The following CYFIP1 variants were observed in gnomAD, a reference collection of about 807,000 sequenced individuals.
The protein encoded by CYFIP1 is cytoplasmic FMR1 interacting protein 1.
Under a neutral mutation model 163.5 loss-of-function variants are expected in CYFIP1, and 58 were observed. That is an observed-to-expected ratio of 0.35 (90% confidence interval 0.29 to 0.44). The LOEUF (loss-of-function observed/expected upper bound fraction) is 0.44, where lower values mean the gene tolerates loss of function less well. Among genes scored for constraint, CYFIP1 ranks in the 20% least tolerant of loss-of-function variants. CYFIP1 has a pLI of 1.00. For synonymous variants in CYFIP1, 663 were observed against 660.7 expected, an observed-to-expected ratio of 1.00 and a Z score of -0.05; for missense variants, 1,338 against 1,653.8, an observed-to-expected ratio of 0.81 and a Z score of 3.31.
At chr15:22,890,437 G>GT (rs1295513749) in intron 23 of CYFIP1, among the ~76,000 whole-genome samples, 2 of 152,132 alleles carry the variant, frequency 1.3e-5, no homozygotes, top group Non-Finnish European at 2.9e-5. Flanking sequence ...GGGGAGCCCC[G>GT]TAACAGCTGT....
In CYFIP1 at chr15:22,932,334, C is replaced by T. The variant is rs141003560; in HGVS notation, c.999G>A (p.Thr333=). 73 of 1,603,622 alleles carry T rather than the reference C, an allele frequency of 4.6e-5. No individual in the cohort carries two copies. Among genetic ancestry groups the T allele is most frequent in the South Asian group, 9.0e-5 (8 of 89,352 alleles). Reference sequence around the variant, plus strand: ...GAGGGCTGCTGCCGGAGGATGTGCACGTCCATCTGTGCAGAGAGAAAGCAC... The same window carrying T: ...GAGGGCTGCTGCCGGAGGATGTGCATGTCCATCTGTGCAGAGAGAAAGCAC... ...AHYEENKSRW[T]CTSSGSSPQY... The change falls in exon 11 of 31, where the codon ACG becomes ACA. Residue 333 remains threonine (T), a synonymous_variant. Transcript: ENST00000617928.
chr15:22,910,031 T>G (rs1231353867), intron 20 of CYFIP1, among the ~76,000 whole-genome samples: 1 of 152,200 alleles, frequency 6.6e-6, no homozygotes, highest in Non-Finnish European at 1.5e-5. Flanking sequence ...CTGCAGGTGT[T>G]CCCTGTGTGT....
At chr15:22,935,737 C>T (rs2061691690) in intron 9 of CYFIP1, among the ~76,000 whole-genome samples, 1 of 152,092 alleles carries the variant, frequency 6.6e-6, no homozygotes, top group Admixed American at 6.6e-5. Flanking sequence ...AATAACAATG[C>T]ATTGAATGCT....
rs1436182518 is a variant in CYFIP1 at position 22,953,919 on chromosome 15, G to C, written c.-6-6628C>G. The stretch of plus-strand genomic sequence containing the variant: ...AAATACAAAAAAATTAGCCAGGCGT[G>C]GTGGCGGGCGCCTGTAGTCCCAGCT... On this transcript the variant is annotated intron_variant, in intron 1 of 30. Transcript: ENST00000617928. Among the ~76,000 whole-genome samples the C allele has an allele frequency of 3.9e-5, 6 of 152,148 alleles. No individual in the cohort carries two copies. The East Asian group carries it at 5.8e-4, about 15-fold the overall frequency.
intron 1 of CYFIP1, chr15:22,948,128 TGGAACGGG>T (rs2062122293): frequency 5.8e-5 from 17 of 294,434 alleles, no homozygotes; most frequent in African/African-American, 3.4e-4. Context: ...AGGTGCACAG[TGGAACGGG>T]TAGTCAGTCC....
chr15:22,976,227 G>A (rs558309919), intron 1 of CYFIP1, among the ~76,000 whole-genome samples: 95 of 151,648 alleles, frequency 6.3e-4, no homozygotes, highest in Middle Eastern at 3.4e-3. Flanking sequence ...GCGCGATCTC[G>A]GCTCACCACA....
At chr15:22,957,472 T>TA in intron 1 of CYFIP1, among the ~76,000 whole-genome samples, 1 of 152,226 alleles carries the variant, frequency 6.6e-6, no homozygotes, top group South Asian at 2.1e-4. Context: ...CCACCTCTAC[T>TA]AAAAATACAA....
intron 1 of CYFIP1, among the ~76,000 whole-genome samples, chr15:22,955,847 G>T (rs1416339818): frequency 6.6e-6 from 1 of 151,752 alleles, no homozygotes; most frequent in Non-Finnish European, 1.5e-5. Flanking sequence ...CAGGAGATGG[G>T]AGGGTGATTT....
At chr15:22,977,479 T>C (rs1245017852) in intron 1 of CYFIP1, among the ~76,000 whole-genome samples, 1 of 152,218 alleles carries the variant, frequency 6.6e-6, no homozygotes, top group Non-Finnish European at 1.5e-5. Context: ...GTTGGCTAAA[T>C]TTTAATAGGA....
At chr15:22,881,675 C>T (rs1006712646) in intron 25 of CYFIP1, among the ~76,000 whole-genome samples, 171 bp downstream of exon 25, 20 of 152,158 alleles carry the variant, frequency 1.3e-4, no homozygotes, top group Non-Finnish European at 1.6e-4. Context: ...CCTCTGCTTC[C>T]TCGCCTGCAG....
intron 1 of CYFIP1, among the ~76,000 whole-genome samples, chr15:22,948,784 ACT>A (rs1310557896): frequency 6.8e-6 from 1 of 147,466 alleles, no homozygotes; most frequent in Admixed American, 7.0e-5. Flanking sequence ...AAATTTCAAA[ACT>A]AAAAGACACA....
chr15:22,867,705 T>TAAAA lies in CYFIP1; in HGVS notation c.*2319_*2322dup, dbSNP rs998848199. The TAAAA allele has an allele frequency of 1.2e-4, 19 of 152,344 alleles. No homozygotes were observed. Among genetic ancestry groups the TAAAA allele is most frequent in the Admixed American group, 1.1e-3 (17 of 15,286 alleles). The allele number at this position is 152,344 out of a possible 1,614,324, so 9.4% of individuals were successfully genotyped here. Reference sequence around the variant, plus strand: ...TTCTTAAATTTAGCTCATGTTATAATAAAAAGTTGAAATGAAGTTCTTATT... The same window carrying TAAAA: ...TTCTTAAATTTAGCTCATGTTATAATAAAAAAAAAGTTGAAATGAAGTTCTTATT... On this transcript the variant is annotated 3_prime_UTR_variant, in exon 31 of 31. Coordinates refer to ENST00000617928, the MANE Select transcript of CYFIP1 (RefSeq NM_014608.6).
intron 11 of CYFIP1, among the ~76,000 whole-genome samples, chr15:22,931,686 G>GAAAAAAAAAAA (rs766177290): frequency 0.023 from 896 of 39,682 alleles, 130 homozygotes; most frequent in Middle Eastern, 0.033. Context: ...ATGTTTTTCT[G>GAAAAAAAAAAA]AAAAAAAAAA....
intron 23 of CYFIP1, among the ~76,000 whole-genome samples, chr15:22,885,471 G>T (rs914250709): frequency 1.3e-5 from 2 of 152,146 alleles, no homozygotes; most frequent in African/African-American, 2.4e-5. Context: ...GGTGGCTCAC[G>T]CCTGTAATCC....
intron 21 of CYFIP1, among the ~76,000 whole-genome samples, chr15:22,906,466 T>A (rs2060585001): frequency 7.1e-6 from 1 of 139,888 alleles, no homozygotes; most frequent in African/African-American, 2.9e-5. Flanking sequence ...ACTACTATTT[T>A]TTTTTTTTTT....
Position 22,946,722 on chromosome 15 carries a change from G to A in CYFIP1, c.207+281C>T. On this transcript the variant is annotated intron_variant, in intron 3 of 30. Coordinates refer to ENST00000617928, the MANE Select transcript of CYFIP1 (RefSeq NM_014608.6). Reference sequence around the variant, plus strand: ...ATGGGCACATACCTGGTGTGTGTGGGTGCAGATCTGGAGAGGGAATGAGCA... The same window carrying A: ...ATGGGCACATACCTGGTGTGTGTGGATGCAGATCTGGAGAGGGAATGAGCA... The A allele has an allele frequency of 9.9e-6, 6 of 605,856 alleles. 1 individual carries two copies. Among genetic ancestry groups the A allele is most frequent in the South Asian group, 9.3e-5 (6 of 64,306 alleles). 37.5% of individuals were successfully genotyped at this position (605,856 alleles called of 1,614,324 possible).
intron 12 of CYFIP1, among the ~76,000 whole-genome samples, chr15:22,927,240 G>A (rs2061383594): frequency 6.6e-6 from 1 of 152,046 alleles, no homozygotes; most frequent in South Asian, 2.1e-4. Context: ...AGCACTTTGG[G>A]AGACTGAGGC....
chr15:22,931,686 G>GAAAAAA lies in CYFIP1; in HGVS notation c.1110+531_1110+536dup, dbSNP rs766177290. On this transcript the variant is annotated intron_variant, in intron 11 of 30. Coordinates refer to ENST00000617928, the MANE Select transcript of CYFIP1 (RefSeq NM_014608.6). ...CTTGGGATCCCTATAATGTTTTTCT[G>GAAAAAA]AAAAAAAAAAAAAAAAAAAAAAAAG... 7.9e-3 allele frequency among the ~76,000 whole-genome samples: 313 copies of GAAAAAA among 39,710 alleles called. 43 individuals carry two copies. In the East Asian group the frequency reaches 0.081, roughly 10 times the overall value. 26.1% of individuals were successfully genotyped at this position (39,710 alleles called of 152,430 possible). A position where few individuals can be genotyped will look rare whatever the true frequency, so the allele number is the denominator to read the frequency against.
chr15:22,894,818 A>T (rs2060186547), intron 22 of CYFIP1, among the ~76,000 whole-genome samples: 3 of 147,544 alleles, frequency 2.0e-5, no homozygotes, highest in African/African-American at 7.4e-5. Flanking sequence ...TATTCTATAT[A>T]ATTATATATA....
Sources: gnomAD v4.1 joint callset for allele counts (sites outside exome capture counted in the v4.1 genomes callset) on GRCh38, gnomAD v4.1.1 for gene constraint, MANE v1.5 for transcripts, NCBI Gene and HGNC (gene_info 2026-07-23, HGNC 2026-07-21) for gene names.